The following PALLD variants were observed in gnomAD, a reference collection of about 807,000 sequenced individuals.
PALLD encodes the protein palladin, cytoskeletal associated protein, also known as palladin.
PALLD carries 61 observed loss-of-function variants against 123.5 expected under a neutral mutation model. That is an observed-to-expected ratio of 0.49 (90% CI 0.40 to 0.61). The LOEUF (loss-of-function observed/expected upper bound fraction) is 0.61, where lower values mean the gene tolerates loss of function less well. Among genes scored for constraint, PALLD ranks in the 20% least tolerant of loss-of-function variants. PALLD has a pLI of 0.00. For missense variants in PALLD, 1,273 were observed against 1,377.0 expected, an observed-to-expected ratio of 0.92 and a Z score of 1.20; for synonymous variants, 465 against 496.4, an observed-to-expected ratio of 0.94 and a Z score of 0.84.
chr4:168,710,585 G>A (rs995393978), intron 9 of PALLD, among the ~76,000 whole-genome samples: 5 of 152,134 alleles, frequency 3.3e-5, no homozygotes, highest in Admixed American at 3.3e-4. Context: ...AACTGTAAAT[G>A]CTTTTTCATC....
In PALLD at chr4:168,658,284, G is replaced by GTTT. The variant is rs755942969; in HGVS notation, c.909-9906_909-9905insTTT. On this transcript the variant is annotated intron_variant, in intron 2 of 21. Coordinates refer to ENST00000505667, the MANE Select transcript of PALLD (RefSeq NM_001166108.2). ...TTTTGTTGGTGGTGGGTTTTTATTT[G>GTTT]GTTTTTTTTTTTTTTTTTGTGATGA... Among the ~76,000 whole-genome samples, 273 of 120,690 alleles carry GTTT rather than the reference G, an allele frequency of 2.3e-3. 6 individuals are homozygous for GTTT. The highest frequency in any genetic ancestry group is 6.2e-3 in the African/African-American group (178 of 28,934). The allele number at this position is 120,690 out of a possible 152,430, so 79.2% of individuals were successfully genotyped here. A position where few individuals can be genotyped will look rare whatever the true frequency, so the allele number is the denominator to read the frequency against.
chr4:168,593,826 T>C (rs1334725361), intron 2 of PALLD, among the ~76,000 whole-genome samples: 2 of 152,208 alleles, frequency 1.3e-5, no homozygotes, highest in Non-Finnish European at 1.5e-5. Flanking sequence ...TCTATGTACA[T>C]CTGTGTTTAA....
chr4:168,917,574 A>C (rs923647533), intron 17 of PALLD, among the ~76,000 whole-genome samples: 2 of 152,226 alleles, frequency 1.3e-5, no homozygotes, highest in African/African-American at 2.4e-5. Context: ...AAATATGGAT[A>C]AGGTTTTAAA....
chr4:168,557,097 G>A (rs1292092272), intron 2 of PALLD, among the ~76,000 whole-genome samples: 1 of 149,264 alleles, frequency 6.7e-6, no homozygotes, highest in African/African-American at 2.4e-5. Flanking sequence ...AGGCTGGAGT[G>A]CAGTGACGGG....
At chr4:168,799,750 C>G (rs1391424553) in intron 10 of PALLD, among the ~76,000 whole-genome samples, 2 of 152,236 alleles carry the variant, frequency 1.3e-5, no homozygotes, top group East Asian at 3.9e-4. Context: ...TCTGATGCTA[C>G]TTTCCTGTTA....
intron 11 of PALLD, chr4:168,894,247 T>C (rs1257917759): frequency 5.9e-6 from 2 of 340,414 alleles, no homozygotes; most frequent in East Asian, 7.0e-5. Context: ...TTTTAAATTG[T>C]ATTTTGCTGT....
intron 2 of PALLD, among the ~76,000 whole-genome samples, chr4:168,642,463 G>A (rs566438667): frequency 1.2e-4 from 19 of 152,128 alleles, no homozygotes; most frequent in South Asian, 1.2e-3. Flanking sequence ...GTGAAGTGGC[G>A]CGATCTTAGC....
chr4:168,709,899 C>T (rs2150204814), intron 9 of PALLD, among the ~76,000 whole-genome samples: 1 of 152,108 alleles, frequency 6.6e-6, no homozygotes, highest in African/African-American at 2.4e-5. Context: ...TAACATCCTC[C>T]CGCTAACCTA....
intron 2 of PALLD, among the ~76,000 whole-genome samples, chr4:168,516,795 T>C (rs1293933435): frequency 6.6e-6 from 1 of 152,242 alleles, no homozygotes; most frequent in East Asian, 1.9e-4. Flanking sequence ...TTGGAATTCA[T>C]ATTCCAAATA....
At chr4:168,560,121 A>G (rs1341846394) in intron 2 of PALLD, among the ~76,000 whole-genome samples, 1 of 152,226 alleles carries the variant, frequency 6.6e-6, no homozygotes, top group East Asian at 1.9e-4. Flanking sequence ...TCAATGCAGC[A>G]ACTTCATGAC....
chr4:168,833,603 C>A (rs1744661895), intron 10 of PALLD, among the ~76,000 whole-genome samples: 1 of 152,056 alleles, frequency 6.6e-6, no homozygotes. Flanking sequence ...AGGATAATTT[C>A]TTGATTTGTG....
At chr4:168,774,554 CCT>C (rs1161828358) in intron 10 of PALLD, among the ~76,000 whole-genome samples, 1 of 151,830 alleles carries the variant, frequency 6.6e-6, no homozygotes, top group African/African-American at 2.4e-5. Context: ...ATGGTGAAAC[CCT>C]GTCTCTACCG....
At chr4:168,575,189 T>C (rs1769423378) in intron 2 of PALLD, among the ~76,000 whole-genome samples, 1 of 152,082 alleles carries the variant, frequency 6.6e-6, no homozygotes, top group Non-Finnish European at 1.5e-5. Flanking sequence ...CGTAGATAAC[T>C]TGAGCTCCAC....
At chr4:168,599,982 C>T (rs1010554778) in intron 2 of PALLD, among the ~76,000 whole-genome samples, 1 of 150,172 alleles carries the variant, frequency 6.7e-6, no homozygotes, top group East Asian at 1.9e-4. Flanking sequence ...CACATATATA[C>T]ATACATGTGT....
intron 10 of PALLD, chr4:168,832,169 G>C (rs1744328849): frequency 6.1e-6 from 6 of 985,434 alleles, no homozygotes; most frequent in Middle Eastern, 5.2e-4. Context: ...CCGGAGAGCC[G>C]AGGTAGGCGC....
rs537223395 is a variant in PALLD at position 168,857,900 on chromosome 4, A to G, written c.1965-33022A>G. 1.8e-4 allele frequency among the ~76,000 whole-genome samples: 28 copies of G among 152,334 alleles called. 1 individual carries two copies. In the South Asian group the frequency reaches 4.1e-3, roughly 23 times the overall value. ...ATATAGAAAGCAAAAATTTGGAGAG[A>G]ATGACATGCGCTTTCCTAAATGCAC... On this transcript the variant is annotated intron_variant, in intron 10 of 21. Transcript: ENST00000505667.
chr4:168,903,801 T>C lies in PALLD; in HGVS notation c.2517T>C (p.Asp839=), dbSNP rs934779804. The C allele has an allele frequency of 1.2e-6, 2 of 1,612,022 alleles. No homozygotes were observed. The highest frequency in any genetic ancestry group is 2.7e-5 in the African/African-American group (2 of 74,882). The change falls in exon 15 of 22, where the codon GAT becomes GAC. Residue 839 remains aspartate, a synonymous_variant. Transcript: ENST00000505667. ...GGAAGCAGATCTCTCCAAAGAGTGA[T>C]CACTACACCATTCAAAGAGATCTCG... ...KDGKQISPKS[D]HYTIQRDLDG... is the part of the protein sequence containing the mutation.
intron 10 of PALLD, among the ~76,000 whole-genome samples, chr4:168,799,013 C>T (rs1010607366): frequency 5.3e-5 from 8 of 152,202 alleles, no homozygotes; most frequent in South Asian, 2.1e-4. Context: ...AGAGAGACTC[C>T]GGGGGTGCCT....
At chr4:168,611,106 G>A (rs1773685060) in intron 2 of PALLD, among the ~76,000 whole-genome samples, 5 of 152,288 alleles carry the variant, frequency 3.3e-5, no homozygotes, top group Admixed American at 3.3e-4. Flanking sequence ...TGGACCCTTG[G>A]TCACTGGGGA....
Sources: gnomAD v4.1 joint callset for allele counts (sites outside exome capture counted in the v4.1 genomes callset) on GRCh38, gnomAD v4.1.1 for gene constraint, MANE v1.5 for transcripts, NCBI Gene and HGNC (gene_info 2026-07-23, HGNC 2026-07-21) for gene names.